WDR70: variants seen among roughly 807,000 people sequenced by gnomAD.
WDR70 encodes the protein WD repeat domain 70, also known as WD repeat-containing protein 70.
Under a neutral mutation model 88.6 loss-of-function variants are expected in WDR70, and 53 were observed. The observed-to-expected ratio is 0.60, with a 90% confidence interval of 0.48 to 0.75. The LOEUF (loss-of-function observed/expected upper bound fraction) is 0.75. WDR70 is among the 30% of genes least tolerant of loss of function. WDR70 has a pLI of 0.00. For synonymous variants in WDR70, 280 were observed against 270.0 expected, an observed-to-expected ratio of 1.04 and a Z score of -0.36; for missense variants, 610 against 823.2, an observed-to-expected ratio of 0.74 and a Z score of 3.17.
At chr5:37,664,931 A>G (rs1249389957) in intron 10 of WDR70, among the ~76,000 whole-genome samples, 1 of 152,252 alleles carries the variant, frequency 6.6e-6, no homozygotes, top group African/African-American at 2.4e-5. Flanking sequence ...GCTGTGTCAT[A>G]CAGTTTCAAG....
rs1000831299 is a variant in WDR70, at chr5:37,396,359, G to C, written c.297-16G>C. On this transcript the variant is annotated splice_polypyrimidine_tract_variant and intron_variant, in intron 4 of 17. Transcript: ENST00000265107. Reference sequence around the variant, plus strand: ...ATTGCAGCAGAGGCAAAGAGTTTCTGTTTCTGTATTTTCAGGGATACGAGC... The same window carrying C: ...ATTGCAGCAGAGGCAAAGAGTTTCTCTTTCTGTATTTTCAGGGATACGAGC... The C allele has an allele frequency of 3.1e-6, 5 of 1,591,590 alleles. No individual in the cohort carries two copies. The highest frequency in any genetic ancestry group is 4.5e-5 in the East Asian group (2 of 44,602).
At chr5:37,446,311 C>T (rs1738474638) in intron 7 of WDR70, among the ~76,000 whole-genome samples, 1 of 152,286 alleles carries the variant, frequency 6.6e-6, no homozygotes, top group African/African-American at 2.4e-5. Context: ...AATGGAAGAA[C>T]ATTCCATGCT....
intron 10 of WDR70, among the ~76,000 whole-genome samples, chr5:37,678,196 C>CT: frequency 6.6e-6 from 1 of 152,274 alleles, no homozygotes; most frequent in South Asian, 2.1e-4. Flanking sequence ...ATTTGCCAGT[C>CT]TGTGTCTTTT....
chr5:37,480,002 G>T lies in WDR70; in HGVS notation c.840+15G>T. 6.3e-7 allele frequency: 1 copy of T among 1,595,610 alleles called. No individual in the cohort carries two copies. The highest frequency in any genetic ancestry group is 1.1e-5 in the South Asian group (1 of 88,360). On this transcript the variant is annotated intron_variant, in intron 8 of 17. Transcript: ENST00000265107. The stretch of plus-strand genomic sequence containing the variant: ...CCAACACCAAGGTAAGCATTAAACA[G>T]AATATTTTAATGAATTAATTCAGCA...
chr5:37,513,876 A>G (rs193069893), intron 8 of WDR70, among the ~76,000 whole-genome samples: 8 of 152,202 alleles, frequency 5.3e-5, no homozygotes, highest in Non-Finnish European at 1.2e-4. Context: ...TCCTTTGGCA[A>G]CACCCCCACA....
chr5:37,429,157 T>A (rs1481209729), intron 5 of WDR70, among the ~76,000 whole-genome samples: 2 of 152,198 alleles, frequency 1.3e-5, no homozygotes, highest in Non-Finnish European at 2.9e-5. Context: ...ATTTGTGAAG[T>A]GTCTGTTCAA....
intron 5 of WDR70, among the ~76,000 whole-genome samples, chr5:37,404,739 GT>G (rs923523720): frequency 6.6e-6 from 1 of 151,820 alleles, no homozygotes; most frequent in Non-Finnish European, 1.5e-5. Flanking sequence ...TTTCAATCCT[GT>G]TCCTTCTCTA....
chr5:37,628,231 A>G (rs1253334326), intron 10 of WDR70, among the ~76,000 whole-genome samples: 3 of 152,134 alleles, frequency 2.0e-5, no homozygotes, highest in Non-Finnish European at 4.4e-5. Context: ...CCTGTGGTGC[A>G]GTTTAAATCT....
At chr5:37,665,514 A>G (rs1187170666) in intron 10 of WDR70, among the ~76,000 whole-genome samples, 2 of 152,226 alleles carry the variant, frequency 1.3e-5, no homozygotes, top group Non-Finnish European at 2.9e-5. Context: ...ATTGGCTGCC[A>G]GGGGAACAGA....
chr5:37,580,452 G>A (rs949038037), intron 9 of WDR70, among the ~76,000 whole-genome samples: 3 of 152,148 alleles, frequency 2.0e-5, no homozygotes, highest in Non-Finnish European at 2.9e-5. Context: ...TGGAAACTTT[G>A]TTTTTCCCAG....
chr5:37,716,650 T>C (rs1054293768), intron 13 of WDR70, among the ~76,000 whole-genome samples: 1 of 152,010 alleles, frequency 6.6e-6, no homozygotes, highest in African/African-American at 2.4e-5. Context: ...GATGAGATTA[T>C]TAATTTTGTA....
intron 10 of WDR70, among the ~76,000 whole-genome samples, chr5:37,635,427 G>A (rs1744933116): frequency 6.6e-6 from 1 of 152,150 alleles, no homozygotes; most frequent in African/African-American, 2.4e-5. Flanking sequence ...TGTAAAATGA[G>A]TAGATTGGGC....
chr5:37,516,725 ATT>A (rs71904509), intron 9 of WDR70, 135 bp downstream of exon 9: 9,704 of 128,006 alleles, frequency 0.076, 1,050 homozygotes, highest in African/African-American at 0.25. Context: ...ATATATATAT[ATT>A]TTTTTTTTTT....
chr5:37,682,417 A>G (rs944579908), intron 10 of WDR70, among the ~76,000 whole-genome samples: 3 of 151,502 alleles, frequency 2.0e-5, no homozygotes, highest in South Asian at 2.1e-4. Context: ...GTGTGCCTCA[A>G]TCTCCTTCTT....
At chr5:37,401,517 A>G (rs1581251112) in intron 5 of WDR70, among the ~76,000 whole-genome samples, 1 of 150,512 alleles carries the variant, frequency 6.6e-6, no homozygotes, top group East Asian at 2.0e-4. Context: ...GAGTTTCACC[A>G]TGTTGGCCAG....
intron 7 of WDR70, among the ~76,000 whole-genome samples, chr5:37,452,957 C>T (rs956597786): frequency 2.0e-5 from 3 of 152,126 alleles, no homozygotes. Flanking sequence ...GCATCTCTGA[C>T]GAATTTCTCC....
chr5:37,702,452 T>TTTCATGGTGCTCAAC (rs1229845680), intron 12 of WDR70, among the ~76,000 whole-genome samples: 4 of 152,216 alleles, frequency 2.6e-5, no homozygotes, highest in African/African-American at 9.6e-5. Flanking sequence ...CTGTGGCTCA[T>TTTCATGGTGCTCAAC]TTCATGGTGC....
intron 7 of WDR70, among the ~76,000 whole-genome samples, chr5:37,461,390 T>C (rs1249308084): frequency 6.6e-6 from 1 of 152,056 alleles, no homozygotes; most frequent in Non-Finnish European, 1.5e-5. Flanking sequence ...TCTGTGATCT[T>C]AGGAAGTTTG....
intron 17 of WDR70, among the ~76,000 whole-genome samples, chr5:37,750,830 C>G (rs1204560240): frequency 6.6e-6 from 1 of 152,158 alleles, no homozygotes; most frequent in Non-Finnish European, 1.5e-5. Flanking sequence ...TTATAAATTA[C>G]CTAGTCTCAG....
Sources: gnomAD v4.1 joint callset for allele counts (sites outside exome capture counted in the v4.1 genomes callset) on GRCh38, gnomAD v4.1.1 for gene constraint, MANE v1.5 for transcripts, NCBI Gene and HGNC (gene_info 2026-07-23, HGNC 2026-07-21) for gene names.